The following CHODL variants were observed in gnomAD, a reference collection of about 807,000 sequenced individuals.
CHODL encodes transmembrane protein MT75.
CHODL carries 29 observed loss-of-function variants against 34.5 expected under a neutral mutation model. That is an observed-to-expected ratio of 0.84 (90% confidence interval 0.63 to 1.15). The LOEUF is 1.15. Ranked by LOEUF, CHODL falls within the 50% of genes most tolerant of loss-of-function variation. CHODL has a pLI of 0.00. For missense variants in CHODL, 332 were observed against 332.5 expected (o/e 1.00, Z 0.01); for synonymous variants, 125 against 116.1 (o/e 1.08, Z -0.49).
chr21:18,098,607 C>T lies in CHODL; in HGVS notation c.-45+70636C>T, dbSNP rs182519717. Among the ~76,000 whole-genome samples the T allele has an allele frequency of 1.6e-3, 242 of 152,142 alleles. 1 individual carries two copies. Among genetic ancestry groups the T allele is most frequent in the African/African-American group, 5.7e-3 (236 of 41,530 alleles). On this transcript the variant is annotated intron_variant, in intron 2 of 6. Transcript: ENST00000400127. The stretch of plus-strand genomic sequence containing the variant: ...TGGTGAGAATGTGGAGAGAAGAGAA[C>T]CCTCATATACTGTTGGTGGCAATGT...
intron 2 of CHODL, among the ~76,000 whole-genome samples, chr21:18,231,398 TGGC>T (rs1170974542): frequency 8.5e-5 from 13 of 152,248 alleles, no homozygotes; most frequent in South Asian, 6.2e-4. Flanking sequence ...ATCTGTGACT[TGGC>T]ACAGCAGTGC....
chr21:18,254,672 A>G (rs1000270571), intron 1 of CHODL, among the ~76,000 whole-genome samples: 1 of 152,088 alleles, frequency 6.6e-6, no homozygotes, highest in African/African-American at 2.4e-5. Context: ...AATCCTATAC[A>G]CCGTAATATC....
intron 1 of CHODL, among the ~76,000 whole-genome samples, chr21:17,955,376 AG>A (rs1319712665): frequency 2.9e-5 from 4 of 137,126 alleles, no homozygotes; most frequent in Admixed American, 2.9e-4. Context: ...CTTCTTTAGT[AG>A]GGGTTGTGCT....
At chr21:18,039,682 A>G (rs1255140682) in intron 2 of CHODL, among the ~76,000 whole-genome samples, 2 of 151,616 alleles carry the variant, frequency 1.3e-5, no homozygotes. Flanking sequence ...CCTGAATATA[A>G]ATTACTCCCT....
intron 1 of CHODL, among the ~76,000 whole-genome samples, chr21:18,250,838 T>C (rs1478093248): frequency 6.6e-6 from 1 of 151,964 alleles, no homozygotes; most frequent in East Asian, 1.9e-4. Flanking sequence ...ATATTTACCA[T>C]GTGGATGCTC....
At chr21:18,261,785 A>T (rs537378878) in intron 4 of CHODL, among the ~76,000 whole-genome samples, 1 of 152,264 alleles carries the variant, frequency 6.6e-6, no homozygotes, top group African/African-American at 2.4e-5. Flanking sequence ...TTTTAATTTT[A>T]CTAAGAATAC....
At chr21:18,113,343 T>TG (rs1555872629) in intron 2 of CHODL, among the ~76,000 whole-genome samples, 2 of 50,930 alleles carry the variant, frequency 3.9e-5, no homozygotes, top group Non-Finnish European at 7.4e-5. Flanking sequence ...GAGGACAGTC[T>TG]GGGGGACCTC....
chr21:18,222,134 T>C (rs2073890343), intron 2 of CHODL, among the ~76,000 whole-genome samples: 1 of 152,170 alleles, frequency 6.6e-6, no homozygotes, highest in Non-Finnish European at 1.5e-5. Flanking sequence ...TTGGTGGTAG[T>C]GGCCTCAGGT....
intron 1 of CHODL, among the ~76,000 whole-genome samples, chr21:18,022,878 C>T (rs1184982407): frequency 6.6e-6 from 1 of 152,218 alleles, no homozygotes; most frequent in Non-Finnish European, 1.5e-5. Flanking sequence ...GTTACTTGCT[C>T]AAGTTCCTTT....
intron 1 of CHODL, among the ~76,000 whole-genome samples, chr21:17,978,733 G>GAAAAAAAAAAA (rs34399713): frequency 1.4e-5 from 2 of 139,668 alleles, no homozygotes; most frequent in Non-Finnish European, 3.1e-5. Context: ...GAAAAAAAAA[G>GAAAAAAAAAAA]AAAAAAAAAA....
Position 18,265,235 on chromosome 21 carries a change from G to GTA in CHODL, c.738-709_738-708dup, listed in dbSNP as rs1156746967. ...TATGTATGTGTATATATATATGTGT[G>GTA]TATATATATATGTGTATATATATGT... On this transcript the variant is annotated intron_variant, in intron 5 of 5. Coordinates refer to ENST00000299295, the MANE Select transcript of CHODL (RefSeq NM_024944.3). Among the ~76,000 whole-genome samples, 24 of 129,262 alleles carry GTA rather than the reference G, an allele frequency of 1.9e-4. 1 individual carries two copies. The South Asian group carries it at 2.4e-3, about 13-fold the overall frequency. 84.8% of individuals were successfully genotyped at this position (129,262 alleles called of 152,430 possible). A position where few individuals can be genotyped will look rare whatever the true frequency, so the allele number is the denominator to read the frequency against.
intron 2 of CHODL, among the ~76,000 whole-genome samples, chr21:18,160,387 A>G (rs1286084049): frequency 2.0e-5 from 3 of 152,032 alleles, no homozygotes; most frequent in African/African-American, 7.2e-5. Context: ...GGTTTGTTAC[A>G]TAGGTAAACT....
intron 2 of CHODL, among the ~76,000 whole-genome samples, chr21:18,234,807 G>C (rs967279942): frequency 6.6e-6 from 1 of 152,042 alleles, no homozygotes; most frequent in Non-Finnish European, 1.5e-5. Context: ...TACCAGACAT[G>C]GTTCTGGTTC....
chr21:18,126,279 A>T (rs1279921476), intron 2 of CHODL, among the ~76,000 whole-genome samples: 1 of 152,264 alleles, frequency 6.6e-6, no homozygotes, highest in Non-Finnish European at 1.5e-5. Context: ...TTAGATGATT[A>T]TTAATGGGTT....
chr21:18,257,300 C>A (rs930620425), intron 3 of CHODL, among the ~76,000 whole-genome samples, 173 bp downstream of exon 3: 2 of 152,018 alleles, frequency 1.3e-5, no homozygotes, highest in Admixed American at 6.6e-5. Flanking sequence ...TGCTGTAGAG[C>A]AAACTGTCCA....
chr21:18,067,978 A>C (rs914858248), intron 2 of CHODL, among the ~76,000 whole-genome samples: 2 of 151,910 alleles, frequency 1.3e-5, no homozygotes, highest in African/African-American at 4.8e-5. Flanking sequence ...GCTCTGTTTT[A>C]TTTTTCCTTC....
chr21:18,009,757 A>G (rs899945847), intron 1 of CHODL, among the ~76,000 whole-genome samples: 103 of 151,064 alleles, frequency 6.8e-4, no homozygotes, highest in African/African-American at 1.6e-3. Context: ...GCGTGGTGGT[A>G]GGTGCCTGTA....
At position 17,945,139 on chromosome 21, in the gene CHODL, G is replaced by A. The variant is rs565944901; in HGVS notation, c.-145+27739G>A. Among the ~76,000 whole-genome samples, 590 of 151,942 alleles carry A rather than the reference G, an allele frequency of 3.9e-3. 5 individuals are homozygous for A. The highest frequency in any genetic ancestry group is 0.014 in the African/African-American group (560 of 41,430). ...AGGTAGGAGAATGGCGTGAACCTGG[G>A]AGGCGGAGCTTGCAGTGAGCCGAGA... On this transcript the variant is annotated intron_variant, in intron 1 of 6. Coordinates refer to the CHODL transcript ENST00000400127.
intron 2 of CHODL, among the ~76,000 whole-genome samples, chr21:18,111,155 T>A (rs570699780): frequency 1.3e-4 from 20 of 152,164 alleles, no homozygotes; most frequent in Non-Finnish European, 2.6e-4. Context: ...CAACAGGACA[T>A]ACATGAGCTC....
Sources: gnomAD v4.1 joint callset for allele counts (sites outside exome capture counted in the v4.1 genomes callset) on GRCh38, gnomAD v4.1.1 for gene constraint, MANE v1.5 for transcripts, NCBI Gene and HGNC (gene_info 2026-07-23, HGNC 2026-07-21) for gene names.